Variants in CALN1 observed in about 807,000 individuals in gnomAD.
The protein encoded by CALN1 is calneuron 1, also known as calcium-binding protein 8.
A neutral mutation model predicts 30.6 loss-of-function variants in CALN1; 17 were observed. The observed-to-expected ratio is 0.56, with a 90% CI of 0.38 to 0.83. The LOEUF (loss-of-function observed/expected upper bound fraction) is 0.83, where lower values mean the gene tolerates loss of function less well. Ranked by LOEUF, CALN1 falls within the 40% of genes least tolerant of loss-of-function variation. The pLI, the probability that CALN1 is intolerant of heterozygous loss-of-function variation, is 0.00. For missense variants in CALN1, 291 were observed against 354.9 expected, an observed-to-expected ratio of 0.82 and a Z score of 1.45; for synonymous variants, 156 against 131.4, an observed-to-expected ratio of 1.19 and a Z score of -1.28.
upstream of CALN1, among the ~76,000 whole-genome samples, chr7:72,449,255 T>C (rs1458223403): frequency 3.9e-5 from 6 of 152,352 alleles, no homozygotes; most frequent in Admixed American, 3.3e-4. Context: ...CCAAATCTTC[T>C]TGGCAGATGC....
intron 1 of CALN1, among the ~76,000 whole-genome samples, chr7:72,406,860 C>A (rs1429549219): frequency 1.3e-5 from 2 of 152,158 alleles, no homozygotes; most frequent in Admixed American, 6.5e-5. Context: ...AAGTGATCTG[C>A]CTGCCTCAGC....
chr7:72,264,441 C>A (rs1408910767), intron 3 of CALN1, among the ~76,000 whole-genome samples: 1 of 152,094 alleles, frequency 6.6e-6, no homozygotes, highest in Admixed American at 6.6e-5. Flanking sequence ...AATTATAGAT[C>A]TGTCTGTAGA....
intron 2 of CALN1, among the ~76,000 whole-genome samples, chr7:72,357,823 T>A (rs925628661): frequency 2.0e-5 from 3 of 147,078 alleles, no homozygotes; most frequent in Middle Eastern, 3.3e-3. Flanking sequence ...TATATTTATA[T>A]ATATTTTTAT....
chr7:72,063,998 G>A (rs568585493), intron 4 of CALN1, among the ~76,000 whole-genome samples: 22 of 152,120 alleles, frequency 1.4e-4, no homozygotes, highest in Non-Finnish European at 3.1e-4. Flanking sequence ...TTCTGGCCAG[G>A]CACGGTGGCT....
At chr7:72,271,484 C>T (rs1225086018) in intron 3 of CALN1, among the ~76,000 whole-genome samples, 1 of 148,632 alleles carries the variant, frequency 6.7e-6, no homozygotes, top group Non-Finnish European at 1.5e-5. Context: ...GCAGCCTTGA[C>T]TTCCCGGGCT....
At chr7:71,981,732 G>A (rs955041014) in intron 5 of CALN1, among the ~76,000 whole-genome samples, 4 of 151,850 alleles carry the variant, frequency 2.6e-5, no homozygotes, top group South Asian at 2.1e-4. Flanking sequence ...AGCTGAACAC[G>A]TGGAAGTTCC....
intron 2 of CALN1, among the ~76,000 whole-genome samples, chr7:72,402,136 T>A (rs1451606203): frequency 6.6e-6 from 1 of 152,016 alleles, no homozygotes; most frequent in African/African-American, 2.4e-5. Context: ...CTATTCCAGA[T>A]GCTTCCTCAG....
intron 2 of CALN1, among the ~76,000 whole-genome samples, chr7:72,291,454 G>T (rs571962007): frequency 1.3e-5 from 2 of 152,174 alleles, no homozygotes; most frequent in East Asian, 3.9e-4. Flanking sequence ...CATCACACAG[G>T]GCATCTCACC....
At chr7:72,499,818 CTTCCTTCCTTCTTTCTTTCT>C in the CALN1 span, among the ~76,000 whole-genome samples, 2 of 51,060 alleles carry the variant, frequency 3.9e-5, no homozygotes, top group Non-Finnish European at 7.1e-5. Flanking sequence ...TCCTTCCTTC[CTTCCTTCCTTCTTTCTTTCT>C]TTCTTTCTTT....
intron 3 of CALN1, among the ~76,000 whole-genome samples, chr7:72,136,160 T>TAAATAAA (rs1809497947): frequency 6.6e-6 from 1 of 151,548 alleles, no homozygotes; most frequent in African/African-American, 2.4e-5. Context: ...AATAAATAAA[T>TAAATAAA]AAATAAATAA....
In CALN1 at chr7:72,235,962, G is replaced by A. The variant is rs1794450242; in HGVS notation, c.244+42724C>T. Among the ~76,000 whole-genome samples the A allele has an allele frequency of 1.3e-5, 2 of 151,624 alleles. 1 individual carries two copies. Among genetic ancestry groups the A allele is most frequent in the South Asian group, 4.2e-4 (2 of 4,800 alleles). ...CCAAATAACCTGATTTCACATTCTGGGCCAGGCACAGTGGCTCATACCTGT... is the reference window on the plus strand; with the variant it reads ...CCAAATAACCTGATTTCACATTCTGAGCCAGGCACAGTGGCTCATACCTGT... On this transcript the variant is annotated intron_variant, in intron 3 of 6. Coordinates refer to ENST00000395275, the MANE Select transcript of CALN1 (RefSeq NM_031468.4).
intron 3 of CALN1, among the ~76,000 whole-genome samples, chr7:72,259,738 A>G (rs1455166488): frequency 1.3e-5 from 2 of 152,174 alleles, no homozygotes; most frequent in African/African-American, 2.4e-5. Flanking sequence ...CTGTATTTTT[A>G]AATTCCCATG....
intron 3 of CALN1, among the ~76,000 whole-genome samples, chr7:72,117,409 C>T (rs531286820): frequency 3.3e-5 from 5 of 152,240 alleles, no homozygotes; most frequent in Middle Eastern, 3.4e-3. Context: ...ACCGGTCAGG[C>T]TGGATTTGGT....
chr7:72,335,701 G>A (rs890762155), intron 2 of CALN1, among the ~76,000 whole-genome samples: 1 of 152,242 alleles, frequency 6.6e-6, no homozygotes, highest in Admixed American at 6.5e-5. Context: ...CCAAATGGAA[G>A]AAAGGCGCCT....
At chr7:71,894,218 G>C (rs186570261) in intron 5 of CALN1, among the ~76,000 whole-genome samples, 32 of 152,166 alleles carry the variant, frequency 2.1e-4, no homozygotes, top group African/African-American at 7.5e-4. Context: ...TTATACTGTT[G>C]ATTTCACTGA....
intron 5 of CALN1, among the ~76,000 whole-genome samples, chr7:71,822,643 A>G (rs1788663641): frequency 6.6e-6 from 1 of 152,192 alleles, no homozygotes; most frequent in African/African-American, 2.4e-5. Flanking sequence ...CCATTTGTGT[A>G]ATGCATGACT....
chr7:72,196,889 C>T (rs1585140153), intron 3 of CALN1, among the ~76,000 whole-genome samples: 1 of 152,278 alleles, frequency 6.6e-6, no homozygotes, highest in South Asian at 2.1e-4. Context: ...AGACAACTAG[C>T]TCCAAAATCC....
intron 5 of CALN1, among the ~76,000 whole-genome samples, chr7:71,894,986 G>C (rs1458516628): frequency 6.6e-6 from 1 of 152,102 alleles, no homozygotes; most frequent in Non-Finnish European, 1.5e-5. Context: ...ACAGGGTCTT[G>C]CTCTGTTGCC....
chr7:72,074,218 G>T, intron 4 of CALN1, among the ~76,000 whole-genome samples: 1 of 152,178 alleles, frequency 6.6e-6, no homozygotes, highest in East Asian at 1.9e-4. Flanking sequence ...AGATATAAAA[G>T]ATCATGTTTT....
Sources: gnomAD v4.1 joint callset for allele counts (sites outside exome capture counted in the v4.1 genomes callset) on GRCh38, gnomAD v4.1.1 for gene constraint, MANE v1.5 for transcripts, NCBI Gene and HGNC (gene_info 2026-07-23, HGNC 2026-07-21) for gene names.